The following CCSER2 variants were observed in gnomAD, a reference collection of about 807,000 sequenced individuals.
The protein encoded by CCSER2 is coiled-coil serine rich protein 2, also known as serine-rich coiled-coil domain-containing protein 2.
CCSER2 carries 46 observed loss-of-function variants against 92.3 expected under a neutral mutation model. The ratio of observed to expected loss-of-function variants is 0.50; its 90% confidence interval spans 0.39 to 0.64. The LOEUF (loss-of-function observed/expected upper bound fraction) is 0.64. Among genes scored for constraint, CCSER2 ranks in the 30% least tolerant of loss-of-function variants. The pLI is 0.00. For synonymous variants in CCSER2, 433 were observed against 431.4 expected, an observed-to-expected ratio of 1.00 and a Z score of -0.04; for missense variants, 1,244 against 1,238.9, an observed-to-expected ratio of 1.00 and a Z score of -0.06.
intron 6 of CCSER2, among the ~76,000 whole-genome samples, chr10:84,460,335 C>G (rs1458701844): frequency 1.1e-4 from 16 of 150,578 alleles, no homozygotes; most frequent in Admixed American, 8.0e-4. Flanking sequence ...AACTCCTGAC[C>G]TCAGGTGATC....
chr10:84,346,580 G>A (rs1238410280), intron 1 of CCSER2, among the ~76,000 whole-genome samples: 1 of 151,872 alleles, frequency 6.6e-6, no homozygotes, highest in East Asian at 1.9e-4. Flanking sequence ...ACATGATCAT[G>A]CTAATTTGGT....
chr10:84,456,536 G>T (rs1206248845), intron 6 of CCSER2, among the ~76,000 whole-genome samples: 3 of 152,104 alleles, frequency 2.0e-5, no homozygotes, highest in African/African-American at 7.2e-5. Flanking sequence ...AAATAAAACT[G>T]CTGTGAACAT....
At chr10:84,385,723 A>G (rs759968694) in intron 3 of CCSER2, among the ~76,000 whole-genome samples, 1 of 152,242 alleles carries the variant, frequency 6.6e-6, no homozygotes, top group Non-Finnish European at 1.5e-5. Context: ...CCTCAAAAGT[A>G]AATGCAACAA....
At chr10:84,481,988 TTAAATG>T (rs1847486389) in intron 9 of CCSER2, among the ~76,000 whole-genome samples, 1 of 152,122 alleles carries the variant, frequency 6.6e-6, no homozygotes, top group Non-Finnish European at 1.5e-5. Context: ...TGTAATTAAT[TTAAATG>T]TAAATAGTCA....
chr10:84,460,208 G>A (rs1453510998), intron 6 of CCSER2, among the ~76,000 whole-genome samples: 1 of 148,428 alleles, frequency 6.7e-6, no homozygotes, highest in East Asian at 2.0e-4. Flanking sequence ...TCCTGCCTTG[G>A]CCTCCTGAGT....
chr10:84,449,667 C>T (rs983652455), intron 6 of CCSER2, among the ~76,000 whole-genome samples: 1 of 152,092 alleles, frequency 6.6e-6, no homozygotes, highest in East Asian at 1.9e-4. Context: ...CCAGCCTGAT[C>T]AACATGAAGA....
chr10:84,376,707 G>A (rs1846358077), intron 3 of CCSER2, among the ~76,000 whole-genome samples: 1 of 152,094 alleles, frequency 6.6e-6, no homozygotes, highest in Admixed American at 6.6e-5. Flanking sequence ...TTGGGAAAAT[G>A]TGTAGGAGAG....
intron 7 of CCSER2, among the ~76,000 whole-genome samples, chr10:84,468,334 A>G (rs1846574730): frequency 2.6e-5 from 4 of 152,204 alleles, no homozygotes; most frequent in African/African-American, 9.7e-5. Flanking sequence ...ATATAAAATC[A>G]GTGTTCCCAA....
chr10:84,353,423 A>G (rs923319752), intron 1 of CCSER2, among the ~76,000 whole-genome samples: 3 of 152,184 alleles, frequency 2.0e-5, no homozygotes, highest in African/African-American at 7.2e-5. Flanking sequence ...GTCTTTAATT[A>G]GGCTATTGAG....
At chr10:84,395,275 A>G (rs571394099) in intron 3 of CCSER2, among the ~76,000 whole-genome samples, 31 of 151,928 alleles carry the variant, frequency 2.0e-4, no homozygotes, top group South Asian at 1.0e-3. Context: ...TTTACCTAGC[A>G]TAGTACCTGG....
intron 1 of CCSER2, among the ~76,000 whole-genome samples, chr10:84,368,768 C>T (rs967446637): frequency 5.9e-5 from 9 of 152,002 alleles, no homozygotes; most frequent in African/African-American, 1.5e-4. Context: ...TTTTAGTGCA[C>T]GTGCCACCCG....
At chr10:84,417,722 T>C (rs1194545697) in intron 3 of CCSER2, 49 bp from the exon 4 acceptor site, 1 of 871,736 alleles carries the variant, frequency 1.1e-6, no homozygotes, top group South Asian at 1.4e-5. Flanking sequence ...ATGGTTGACA[T>C]ATCCTTAGAG....
chr10:84,513,397 C>A, intron 9 of CCSER2, 52 bp from the exon 10 acceptor site: 1 of 1,337,758 alleles, frequency 7.5e-7, no homozygotes, highest in South Asian at 1.4e-5. Context: ...TATATTAAAT[C>A]TGGGTGGAAT....
chr10:84,412,424 G>T (rs1417557541), intron 3 of CCSER2, among the ~76,000 whole-genome samples: 1 of 151,900 alleles, frequency 6.6e-6, no homozygotes, highest in Non-Finnish European at 1.5e-5. Context: ...GTCTAGTCAT[G>T]GGCTTTTTTT....
chr10:84,485,862 T>C (rs1335169275), intron 9 of CCSER2, among the ~76,000 whole-genome samples: 1 of 152,198 alleles, frequency 6.6e-6, no homozygotes, highest in East Asian at 1.9e-4. Flanking sequence ...TCATTTACAT[T>C]AGGTATATCT....
chr10:84,358,170 T>C (rs1034685107), intron 1 of CCSER2, among the ~76,000 whole-genome samples: 1 of 152,212 alleles, frequency 6.6e-6, no homozygotes, highest in African/African-American at 2.4e-5. Flanking sequence ...TTAAAAATCT[T>C]GTATAGTTGC....
rs1846144499 is a variant in CCSER2 at position 84,372,945 on chromosome 10, T to TA, written c.1417+477dup. ...TCTTCTTGTTTAGCAATTTTTTAGA[T>TA]ACACTTCCTGAGAGAGCTTTATTTA... On this transcript the variant is annotated intron_variant, in intron 2 of 9. Transcript: ENST00000372088. 3.3e-5 allele frequency among the ~76,000 whole-genome samples: 5 copies of TA among 152,286 alleles called. No individual in the cohort carries two copies. In the South Asian group the frequency reaches 1.0e-3, roughly 32 times the overall value.
rs775239160 is a variant in CCSER2 at position 84,371,229 on chromosome 10, A to T, written c.177A>T (p.Pro59=). The T allele has an allele frequency of 3.7e-6, 6 of 1,613,188 alleles. No individual in the cohort carries two copies. The highest frequency in any genetic ancestry group is 4.2e-6 in the Non-Finnish European group (5 of 1,179,634). ...SYIKNNGSDC[P]SSHSFNWRKA... ...TCAAAAATAATGGCTCTGATTGTCC[A>T]TCATCTCATTCATTTAATTGGAGGA... The change falls in exon 2 of 10, where the codon CCA becomes CCT. Residue 59 remains proline (P), a synonymous_variant. Transcript: ENST00000372088.
At chr10:84,336,771 A>G (rs893461042) in intron 1 of CCSER2, among the ~76,000 whole-genome samples, 1 of 152,244 alleles carries the variant, frequency 6.6e-6, no homozygotes, top group African/African-American at 2.4e-5. Flanking sequence ...TGTTATAAGT[A>G]GAACTCTCAG....
Sources: allele counts gnomAD v4.1 joint callset (sites outside exome capture counted in the v4.1 genomes callset), GRCh38; gene constraint gnomAD v4.1.1; transcripts MANE v1.5; gene names NCBI Gene and HGNC (gene_info 2026-07-23, HGNC 2026-07-21).